The following MYT1L variants were observed in gnomAD, a reference collection of about 807,000 sequenced individuals.
MYT1L encodes the protein myelin transcription factor 1 like, also known as myelin transcription factor 1-like protein.
In MYT1L, 12 loss-of-function variants were observed where a neutral mutation model predicts 126.7. That is an observed-to-expected ratio of 0.09 (90% CI 0.06 to 0.15). MYT1L has a LOEUF of 0.15. Ranked by LOEUF, MYT1L falls within the 10% of genes least tolerant of loss-of-function variation. The pLI, the probability that MYT1L is intolerant of heterozygous loss-of-function variation, is 1.00. For synonymous variants in MYT1L, 541 were observed against 604.2 expected (o/e 0.90, Z 1.53); for missense variants, 979 against 1,585.2 (o/e 0.62, Z 6.49).
At chr2:2,213,274 A>T (rs1354009116) in intron 2 of MYT1L, among the ~76,000 whole-genome samples, 1 of 152,220 alleles carries the variant, frequency 6.6e-6, no homozygotes, top group Non-Finnish European at 1.5e-5. Context: ...ATGTGTTGCC[A>T]GGAGGGGAAA....
Position 1,943,263 on chromosome 2 carries a change from C to T in MYT1L, c.224G>A (p.Arg75Gln), listed in dbSNP as rs1037022282. 4.4e-5 allele frequency: 69 copies of T among 1,560,098 alleles called. No homozygotes were observed. The highest frequency in any genetic ancestry group is 5.7e-5 in the Non-Finnish European group (66 of 1,151,394). The change falls in exon 9 of 25, where the codon CGA becomes CAA. Residue 75 changes from arginine (R) to glutamine (Q), a missense_variant. This residue lies in a region of MYT1L where 111 missense variants were observed against 115.9 expected (regional missense o/e 0.96). Coordinates refer to ENST00000647738, the MANE Select transcript of MYT1L (RefSeq NM_001303052.2). This position sits in a 1 kb window ranked among gnomAD's most constrained non-coding sequence, Gnocchi z 4.4. ...GTCTGCTTTCACGGCAAATGGCTTT[C>T]GTTTAGGAGCAGGTTCCTGGGGCTG... is the stretch of plus-strand genomic sequence containing the variant. Reference protein sequence around the residue: ...DKQPQEPAPKRKPFAVKADSS... With the variant: ...DKQPQEPAPKQKPFAVKADSS...
chr2:1,840,362 A>C (rs571664180), intron 20 of MYT1L, among the ~76,000 whole-genome samples: 1 of 152,028 alleles, frequency 6.6e-6, no homozygotes, highest in Admixed American at 6.6e-5. Flanking sequence ...GGGTATAACT[A>C]AACTATTTTT....
intron 4 of MYT1L, among the ~76,000 whole-genome samples, chr2:2,032,993 C>A (rs1210998540): frequency 7.4e-6 from 1 of 134,764 alleles, no homozygotes; most frequent in African/African-American, 2.8e-5. Flanking sequence ...CTTATACACA[C>A]CCCCTCGCCA....
chr2:2,282,668 A>C (rs1008407311), intron 2 of MYT1L, among the ~76,000 whole-genome samples: 3 of 152,244 alleles, frequency 2.0e-5, no homozygotes, highest in Non-Finnish European at 2.9e-5. Flanking sequence ...ATAAGGCAAA[A>C]TTTTAAAAAT....
At chr2:2,093,079 C>T (rs762847208) in intron 3 of MYT1L, among the ~76,000 whole-genome samples, 11 of 152,196 alleles carry the variant, frequency 7.2e-5, no homozygotes, top group Non-Finnish European at 1.2e-4. Flanking sequence ...GATGAACTGA[C>T]AATAATAAAA....
At chr2:2,136,661 T>A (rs1380898883) in intron 3 of MYT1L, among the ~76,000 whole-genome samples, 2 of 152,198 alleles carry the variant, frequency 1.3e-5, no homozygotes, top group African/African-American at 4.8e-5. Context: ...ATATTATTCT[T>A]ACTGTTTAGA....
intron 3 of MYT1L, among the ~76,000 whole-genome samples, chr2:2,094,415 TTACTGGGTATA>T (rs1468161152): frequency 1.3e-5 from 2 of 152,212 alleles, no homozygotes; most frequent in Non-Finnish European, 2.9e-5. Flanking sequence ...AGCCATCCCA[TTACTGGGTATA>T]TACCCAAAGG....
rs776656662 is a variant in MYT1L at position 1,792,471 on chromosome 2, C to T, written c.3277-7G>A. 2.5e-6 allele frequency: 4 copies of T among 1,611,688 alleles called. No homozygotes were observed. The highest frequency in any genetic ancestry group is 3.4e-6 in the Non-Finnish European group (4 of 1,178,430). On this transcript the variant is annotated splice_polypyrimidine_tract_variant and splice_region_variant and intron_variant, in intron 23 of 24. Coordinates refer to ENST00000647738, the MANE Select transcript of MYT1L (RefSeq NM_001303052.2). ...TGCTCTCCATCGTGGTAATCTGAAA[C>T]GCACAAGTGTGCGTGACATGTAACA...
At chr2:1,961,079 C>T (rs964083991) in intron 8 of MYT1L, among the ~76,000 whole-genome samples, 1 of 152,240 alleles carries the variant, frequency 6.6e-6, no homozygotes, top group Non-Finnish European at 1.5e-5. Context: ...TTTTAGCAAT[C>T]TGTAGTATCA....
chr2:1,874,179 C>T (rs529905950), intron 18 of MYT1L, among the ~76,000 whole-genome samples: 1 of 137,812 alleles, frequency 7.3e-6, no homozygotes, highest in South Asian at 2.2e-4. Context: ...GTGTGGAAAA[C>T]AGGAAACGCT....
At chr2:1,956,901 T>A (rs1327948494) in intron 8 of MYT1L, among the ~76,000 whole-genome samples, 1 of 152,174 alleles carries the variant, frequency 6.6e-6, no homozygotes, top group African/African-American at 2.4e-5. Context: ...GAGGACAAGT[T>A]CAAAATATCC....
At chr2:2,200,956 G>A (rs2093046171) in intron 2 of MYT1L, among the ~76,000 whole-genome samples, 1 of 152,158 alleles carries the variant, frequency 6.6e-6, no homozygotes, top group African/African-American at 2.4e-5. Context: ...AAGTAAATGA[G>A]CTTTTGGAGA....
At chr2:2,015,567 G>A (rs148834062) in intron 4 of MYT1L, among the ~76,000 whole-genome samples, 21 of 152,308 alleles carry the variant, frequency 1.4e-4, no homozygotes, top group African/African-American at 4.8e-4. Context: ...TAGCAAGTGT[G>A]CAAGGCATTA....
intron 2 of MYT1L, among the ~76,000 whole-genome samples, chr2:2,209,542 CT>C (rs2093430818): frequency 1.3e-5 from 2 of 152,248 alleles, no homozygotes; most frequent in Admixed American, 6.5e-5. Flanking sequence ...ACATAATAAC[CT>C]CCAGTTCTAA....
chr2:2,286,480 C>T (rs748381007), intron 1 of MYT1L, among the ~76,000 whole-genome samples: 118 of 152,030 alleles, frequency 7.8e-4, no homozygotes, highest in Admixed American at 1.5e-3. Context: ...ATGCAGATAT[C>T]AAGTTTCGAA....
chr2:2,016,382 T>A (rs1042314540), intron 4 of MYT1L, among the ~76,000 whole-genome samples: 2 of 152,224 alleles, frequency 1.3e-5, no homozygotes, highest in African/African-American at 4.8e-5. Context: ...GAGAAATTCC[T>A]CCTCCTGCCT....
intron 3 of MYT1L, among the ~76,000 whole-genome samples, chr2:2,140,122 C>T (rs2148151838): frequency 6.6e-6 from 1 of 152,186 alleles, no homozygotes; most frequent in Admixed American, 6.5e-5. Flanking sequence ...GATTGAAATT[C>T]CTAATTTAAG....
chr2:2,229,696 G>C (rs1191224722), intron 2 of MYT1L, among the ~76,000 whole-genome samples: 2 of 151,948 alleles, frequency 1.3e-5, no homozygotes, highest in Non-Finnish European at 1.5e-5. Flanking sequence ...GCAAGGCACT[G>C]TGTTCAGAAT....
intron 2 of MYT1L, among the ~76,000 whole-genome samples, chr2:2,245,212 T>C (rs1390023246): frequency 6.6e-6 from 1 of 152,114 alleles, no homozygotes. Context: ...ATTGGAAGTA[T>C]GGGTCGGAAT....
Sources: gnomAD v4.1 joint callset for allele counts (sites outside exome capture counted in the v4.1 genomes callset) on GRCh38, gnomAD v4.1.1 for gene constraint, gnomAD v4.1.1 regional missense constraint, Gnocchi (gnomAD v3.1) non-coding constraint, MANE v1.5 for transcripts, NCBI Gene and HGNC (gene_info 2026-07-23, HGNC 2026-07-21) for gene names.